OTOP3: variants seen among roughly 807,000 people sequenced by gnomAD.
The protein encoded by OTOP3 is otopetrin 3, also known as proton channel OTOP3.
A neutral mutation model predicts 50.8 loss-of-function variants in OTOP3; 41 were observed. The observed-to-expected ratio is 0.81, with a 90% CI of 0.63 to 1.05. The LOEUF is 1.05. Ranked by LOEUF, OTOP3 falls within the 50% of genes least tolerant of loss-of-function variation. OTOP3 has a pLI of 0.00. For synonymous variants in OTOP3, 320 were observed against 324.4 expected, an observed-to-expected ratio of 0.99 and a Z score of 0.14; for missense variants, 788 against 760.8, an observed-to-expected ratio of 1.04 and a Z score of -0.42.
rs1266085220 is a variant in OTOP3, at chr17:74,943,306, C to T, written c.594C>T (p.His198=). ...IGVQTWVLWK[H]CKDCVRVQTN... is the part of the protein sequence containing the mutation. ...TTCAGACCTGGGTGCTCTGGAAACA[C>T]TGCAAAGACTGTGTTCGGGTCCAGA... is the stretch of plus-strand genomic sequence containing the variant. The change falls in exon 4 of 7, where the codon CAC becomes CAT. Residue 198 remains histidine, a synonymous_variant. Coordinates refer to ENST00000328801, the MANE Select transcript of OTOP3 (RefSeq NM_001272005.2). The T allele has an allele frequency of 6.8e-6, 11 of 1,614,238 alleles. No individual in the cohort carries two copies. The highest frequency in any genetic ancestry group is 9.3e-6 in the Non-Finnish European group (11 of 1,180,048).
intron 1 of OTOP3, among the ~76,000 whole-genome samples, chr17:74,939,736 C>T (rs8077203): frequency 0.048 from 7,316 of 151,984 alleles, 200 homozygotes; most frequent in African/African-American, 0.07. Context: ...GTGGGACTTC[C>T]GGGAGTGGGG....
At chr17:74,942,994 T>TC (rs2039191997) in intron 3 of OTOP3, among the ~76,000 whole-genome samples, 4 of 152,204 alleles carry the variant, frequency 2.6e-5, no homozygotes, top group Admixed American at 1.3e-4. Flanking sequence ...GTTTCTCTTG[T>TC]CACCAGGCAT....
At position 74,941,575 on chromosome 17, in the gene OTOP3, G is replaced by T. The variant is rs773800453; in HGVS notation, c.202G>T (p.Ala68Ser). 3.7e-6 allele frequency: 6 copies of T among 1,611,676 alleles called. No homozygotes were observed. Among genetic ancestry groups the T allele is most frequent in the African/African-American group, 1.3e-5 (1 of 74,918 alleles). ...LLRRDRQAQK[A>S]GQLFSGLLAL... is the part of the protein sequence containing the mutation. ...GCGGCGGGACCGGCAGGCCCAGAAG[G>T]CTGGACAACTCTTCTCGGGGCTCCT... is the stretch of plus-strand genomic sequence containing the variant. The change falls in exon 2 of 7, where the codon GCT (alanine) becomes TCT (serine). Residue 68 changes from alanine (A) to serine (S), a missense_variant. Ala to Ser is a moderately conservative substitution (Grantham distance 99). Coordinates refer to ENST00000328801, the MANE Select transcript of OTOP3 (RefSeq NM_001272005.2).
At chr17:74,936,209 A>G (rs1476780383) in intron 1 of OTOP3, among the ~76,000 whole-genome samples, 1 of 21,002 alleles carries the variant, frequency 4.8e-5, no homozygotes. Flanking sequence ...CCGGGTCCAC[A>G]CAGCAGAAAG....
Position 74,941,426 on chromosome 17 carries a change from A to G in OTOP3, c.53A>G (p.Glu18Gly). ...PAEATPMPSS[E>G]AQETEAAPEK... ...GAGGCTACACCCATGCCTTCTTCAG[A>G]AGCACAGGAGACTGAAGCAGCCCCG... The change falls in exon 2 of 7, where the codon GAA becomes GGA. Residue 18 changes from glutamate (E) to glycine (G), a missense_variant. By Grantham distance (98) the Glu-to-Gly change is moderately conservative (BLOSUM62 -2). Coordinates refer to ENST00000328801, the MANE Select transcript of OTOP3 (RefSeq NM_001272005.2). 9 of 1,562,824 alleles carry G rather than the reference A, an allele frequency of 5.8e-6. No homozygotes were observed. The highest frequency in any genetic ancestry group is 6.9e-6 in the Non-Finnish European group (8 of 1,153,942).
At chr17:74,936,261 C>A (rs976669180) in intron 1 of OTOP3, among the ~76,000 whole-genome samples, 9 of 152,268 alleles carry the variant, frequency 5.9e-5, no homozygotes, top group African/African-American at 2.2e-4. Flanking sequence ...GCTGTCTGGA[C>A]GCCCGGTCTG....
In OTOP3 at chr17:74,946,716, G is replaced by A; in HGVS notation, c.807G>A (p.Arg269=). ...ATGCCACCGCGTGTGAAGCTTTCCG[G>A]AGAGGCTTCCTGATGCTCTACCCCT... is the stretch of plus-strand genomic sequence containing the variant. ...CLNATACEAF[R]RGFLMLYPFS... The change falls in exon 6 of 7, where the codon CGG becomes CGA. Residue 269 remains arginine, a synonymous_variant. Coordinates refer to ENST00000328801, the MANE Select transcript of OTOP3 (RefSeq NM_001272005.2). The A allele has an allele frequency of 6.2e-7, 1 of 1,613,100 alleles. No individual in the cohort carries two copies. Among genetic ancestry groups the A allele is most frequent in the Non-Finnish European group, 8.5e-7 (1 of 1,179,902 alleles).
Position 74,946,681 on chromosome 17 carries a change from C to T in OTOP3, c.772C>T (p.Leu258=), listed in dbSNP as rs2039227237. The change falls in exon 6 of 7, where the codon CTG becomes TTG. Residue 258 remains leucine, a synonymous_variant. Transcript: ENST00000328801. ...KSTGNETNTC[L]CLNATACEAF... ...CCCAGGCAATGAGACCAACACCTGT[C>T]TGTGCCTCAATGCCACCGCGTGTGA... 2 of 1,610,998 alleles carry T rather than the reference C, an allele frequency of 1.2e-6. No homozygotes were observed. Among genetic ancestry groups the T allele is most frequent in the Non-Finnish European group, 1.7e-6 (2 of 1,178,774 alleles).
intron 5 of OTOP3, among the ~76,000 whole-genome samples, chr17:74,944,846 C>T (rs2039210594): frequency 1.3e-5 from 2 of 152,022 alleles, no homozygotes; most frequent in Admixed American, 1.3e-4. Context: ...TAATATTTGG[C>T]CATATTTATT....
In OTOP3 at chr17:74,947,449, C is replaced by T. The variant is rs760400817; in HGVS notation, c.1540C>T (p.Leu514Phe). Residue 514 changes from leucine to phenylalanine, a missense_variant, in exon 6 of 7, where the codon CTC (leucine) becomes TTC (phenylalanine). Transcript: ENST00000328801. ...GCGGAGGGCACTCAAGGAGATCTCACTCTTCCTCATCCTCTGCAATATCAC... is the reference window on the plus strand; with the variant it reads ...GCGGAGGGCACTCAAGGAGATCTCATTCTTCCTCATCCTCTGCAATATCAC... ...WKRRALKEISLFLILCNITLW... is the reference protein window; with the variant it reads ...WKRRALKEISFFLILCNITLW... 6.2e-7 allele frequency: 1 copy of T among 1,608,350 alleles called. No individual in the cohort carries two copies. The highest frequency in any genetic ancestry group is 8.5e-7 in the Non-Finnish European group (1 of 1,177,052).
intron 1 of OTOP3, among the ~76,000 whole-genome samples, chr17:74,940,085 TTA>T (rs1360476015): frequency 4.5e-5 from 5 of 110,474 alleles, no homozygotes; most frequent in South Asian, 2.8e-4. Flanking sequence ...AATATATATA[TTA>T]TACACACACA....
upstream of OTOP3, chr17:74,935,821 C>G (rs1006416950): frequency 6.6e-7 from 1 of 1,515,408 alleles, no homozygotes; most frequent in Admixed American, 2.1e-5. Flanking sequence ...GGAGCCCGAG[C>G]GGCGGCTGCG....
At chr17:74,943,577 G>A (rs1356099200) in intron 4 of OTOP3, 29 bp from the exon 5 acceptor site, 3 of 1,605,148 alleles carry the variant, frequency 1.9e-6, no homozygotes, top group Non-Finnish European at 2.6e-6. Flanking sequence ...CGGCCAGGGT[G>A]TGTGAGAAGA....
chr17:74,936,959 C>T (rs868862803), intron 1 of OTOP3, among the ~76,000 whole-genome samples: 6 of 17,746 alleles, frequency 3.4e-4, no homozygotes, highest in African/African-American at 7.8e-4. Flanking sequence ...CACCCCCCCA[C>T]CCTTTTTTTT....
Position 74,949,339 on chromosome 17 carries a change from A to T in OTOP3, c.1660A>T (p.Asn554Tyr). 6.2e-7 allele frequency: 1 copy of T among 1,614,016 alleles called. No individual in the cohort carries two copies. The highest frequency in any genetic ancestry group is 1.7e-5 in the Admixed American group (1 of 60,012). The change falls in exon 7 of 7, where the codon AAC becomes TAC. Residue 554 changes from asparagine (N) to tyrosine (Y), a missense_variant. Physicochemically the swap from Asn to Tyr is moderately radical, Grantham distance 143. Transcript: ENST00000328801. The part of the protein sequence containing the change: ...YGYQIWFAIV[N>Y]FGLPLGVFYR... The stretch of plus-strand genomic sequence containing the variant: ...CTACCAGATATGGTTCGCCATCGTC[A>T]ACTTCGGCCTGCCTCTGGGGGTCTT...
Position 74,949,318 on chromosome 17 carries a change from C to G in OTOP3, c.1639C>G (p.Gln547Glu). 6.2e-7 allele frequency: 1 copy of G among 1,614,114 alleles called. No individual in the cohort carries two copies. Among genetic ancestry groups the G allele is most frequent in the African/African-American group, 1.3e-5 (1 of 75,058 alleles). Residue 547 changes from glutamine to glutamate, a missense_variant, in exon 7 of 7, where the codon CAG becomes GAG. Coordinates refer to ENST00000328801, the MANE Select transcript of OTOP3 (RefSeq NM_001272005.2). ...GCTAGAAAAGGATTTCTACGGCTAC[C>G]AGATATGGTTCGCCATCGTCAACTT... The part of the protein sequence containing the change: ...NGLEKDFYGY[Q>E]IWFAIVNFGL...
At position 74,942,001 on chromosome 17, in the gene OTOP3, C is replaced by A. The variant is rs1471483248; in HGVS notation, c.537C>A (p.Val179=). 1.2e-6 allele frequency: 2 copies of A among 1,613,416 alleles called. No homozygotes were observed. Among genetic ancestry groups the A allele is most frequent in the African/African-American group, 2.7e-5 (2 of 74,916 alleles). ...HIRCKSQLDL[V]FSVIEMVFIG... is the part of the protein sequence containing the mutation. The stretch of plus-strand genomic sequence containing the variant: ...GCTGCAAGTCACAGCTGGACCTTGT[C>A]TTCTCTGTCATCGAGATGGTCTTCA... The change falls in exon 3 of 7, where the codon GTC becomes GTA. Residue 179 remains valine (V), a synonymous_variant. Transcript: ENST00000328801.
chr17:74,941,261 AGTTCCAAT>A, intron 1 of OTOP3, 124 bp from the exon 2 acceptor site: 1 of 913,670 alleles, frequency 1.1e-6, no homozygotes, highest in Non-Finnish European at 1.5e-6. Flanking sequence ...AGCTGCTATT[AGTTCCAAT>A]GTCCCAACCA....
chr17:74,948,941 G>A lies in OTOP3; in HGVS notation c.1567-305G>A, dbSNP rs529344163. On this transcript the variant is annotated intron_variant, in intron 6 of 6. Coordinates refer to ENST00000328801, the MANE Select transcript of OTOP3 (RefSeq NM_001272005.2). Reference sequence around the variant, plus strand: ...CCCAGCTTGACAGAGCAGGTGGCGCGCTGGGAATTCCTGCTTCTCCCCACA... The same window carrying A: ...CCCAGCTTGACAGAGCAGGTGGCGCACTGGGAATTCCTGCTTCTCCCCACA... Among the ~76,000 whole-genome samples the A allele has an allele frequency of 6.6e-5, 10 of 152,358 alleles. No individual in the cohort carries two copies. The South Asian group carries it at 1.2e-3, about 19-fold the overall frequency.
Sources: gnomAD v4.1 joint callset for allele counts (sites outside exome capture counted in the v4.1 genomes callset) on GRCh38, gnomAD v4.1.1 for gene constraint, MANE v1.5 for transcripts, NCBI Gene and HGNC (gene_info 2026-07-23, HGNC 2026-07-21) for gene names.